Variants in CELF4 observed in about 807,000 individuals in gnomAD.
CELF4 encodes the protein CUGBP Elav-like family member 4, also known as CUG-BP- and ETR-3-like factor 4.
A neutral mutation model predicts 59.9 loss-of-function variants in CELF4; 18 were observed. The ratio of observed to expected loss-of-function variants is 0.30; its 90% CI spans 0.21 to 0.45. The LOEUF (loss-of-function observed/expected upper bound fraction) is 0.45, where lower values mean the gene tolerates loss of function less well. Among genes scored for constraint, CELF4 ranks in the 20% least tolerant of loss-of-function variants. CELF4 has a pLI of 1.00. For missense variants in CELF4, 456 were observed against 689.0 expected, an observed-to-expected ratio of 0.66 and a Z score of 3.79; for synonymous variants, 261 against 267.1, an observed-to-expected ratio of 0.98 and a Z score of 0.22.
intron 2 of CELF4, among the ~76,000 whole-genome samples, chr18:37,369,740 C>G (rs1423846846): frequency 1.3e-5 from 2 of 152,226 alleles, no homozygotes; most frequent in African/African-American, 4.8e-5. Context: ...CAGTGACTCT[C>G]GTAGAATCAC....
chr18:37,477,857 G>A (rs944377922), intron 2 of CELF4, among the ~76,000 whole-genome samples: 12 of 152,182 alleles, frequency 7.9e-5, no homozygotes, highest in African/African-American at 2.9e-4. Context: ...TGACTTGGGT[G>A]ATGGCAGCCG....
At position 37,259,262 on chromosome 18, in the gene CELF4, G is replaced by A. The variant is rs1274739980; in HGVS notation, c.1252C>T (p.Pro418Ser). 7.0e-7 allele frequency: 1 copy of A among 1,425,728 alleles called. No homozygotes were observed. Among genetic ancestry groups the A allele is most frequent in the Admixed American group, 1.9e-5 (1 of 54,018 alleles). 88.3% of individuals were successfully genotyped at this position (1,425,728 alleles called of 1,614,324 possible). Residue 418 changes from proline to serine, a missense_variant and splice_region_variant, in exon 11 of 13, where the codon CCC (proline) becomes TCC (serine). Transcript: ENST00000420428. Reference protein sequence around the residue: ...PMIPQQQREGPEGCNLFIYHL... With the variant: ...PMIPQQQREGSEGCNLFIYHL... ...TAGATGAACAGGTTACAGCCCTCGG[G>A]CCCTGCGGTGAGGGGAGGGGGTGGG...
Position 37,332,077 on chromosome 18 carries a change from G to C in CELF4, c.370-10196C>G, listed in dbSNP as rs780503492. 4.6e-5 allele frequency among the ~76,000 whole-genome samples: 7 copies of C among 152,318 alleles called. No individual in the cohort carries two copies. In the South Asian group the frequency reaches 1.5e-3, roughly 32 times the overall value. ...GAGGTGCCCAAGACACCAAGCAAAC[G>C]TTTGTTCAGTTCCAGAATGACCAGC... On this transcript the variant is annotated intron_variant, in intron 2 of 12. Coordinates refer to ENST00000420428, the MANE Select transcript of CELF4 (RefSeq NM_020180.4).
chr18:37,479,867 C>A (rs924588474), intron 2 of CELF4, among the ~76,000 whole-genome samples: 3 of 152,100 alleles, frequency 2.0e-5, no homozygotes, highest in African/African-American at 7.2e-5. Flanking sequence ...GGCCCTAACG[C>A]GATATGACTG....
intron 1 of CELF4, among the ~76,000 whole-genome samples, chr18:37,491,675 T>C (rs982120662): frequency 6.6e-6 from 1 of 151,640 alleles, no homozygotes; most frequent in Non-Finnish European, 1.5e-5. Context: ...GCAGGAGAGG[T>C]GAGCACTGGG....
intron 8 of CELF4, 87 bp downstream of exon 8, chr18:37,270,681 C>T: frequency 6.7e-7 from 1 of 1,500,256 alleles, no homozygotes; most frequent in Non-Finnish European, 9.2e-7. Flanking sequence ...AGGGCAGGAG[C>T]CACATCTTGT....
intron 2 of CELF4, among the ~76,000 whole-genome samples, chr18:37,390,201 C>T (rs534702149): frequency 2.0e-5 from 3 of 152,180 alleles, no homozygotes; most frequent in Non-Finnish European, 4.4e-5. Context: ...GAGCCTGCAG[C>T]GTGGGTTATG....
intron 1 of CELF4, among the ~76,000 whole-genome samples, chr18:37,498,329 C>T: frequency 7.5e-6 from 1 of 132,514 alleles, no homozygotes; most frequent in Non-Finnish European, 1.6e-5. Flanking sequence ...CCCTCTCCTT[C>T]CCTCTTCTTC....
intron 1 of CELF4, among the ~76,000 whole-genome samples, chr18:37,530,941 G>A (rs1394033902): frequency 2.6e-5 from 4 of 151,984 alleles, no homozygotes; most frequent in African/African-American, 7.2e-5. Context: ...GGTCCAGGTC[G>A]TGGAACCCTG....
intron 2 of CELF4, among the ~76,000 whole-genome samples, chr18:37,353,025 T>C (rs940102368): frequency 3.0e-4 from 45 of 151,888 alleles, no homozygotes; most frequent in African/African-American, 9.7e-4. Context: ...ATCGAGACCA[T>C]CCTGGCTAAC....
chr18:37,498,307 T>G (rs1308480056), intron 1 of CELF4, among the ~76,000 whole-genome samples: 8 of 141,874 alleles, frequency 5.6e-5, no homozygotes, highest in Non-Finnish European at 1.5e-5. Context: ...TTCCCTTCCC[T>G]CCTTTCCCCT....
rs59289891 is a variant in CELF4 at position 37,430,328 on chromosome 18, A to G, written c.369+55197T>C. ...TTTCATCTCAACACGAAGACTGATT[A>G]AATAGCAACAAAAATAAATTATGTA... On this transcript the variant is annotated intron_variant, in intron 2 of 12. Coordinates refer to ENST00000420428, the MANE Select transcript of CELF4 (RefSeq NM_020180.4). 4.6e-3 allele frequency among the ~76,000 whole-genome samples: 708 copies of G among 152,340 alleles called. 4 individuals are homozygous for G. Among genetic ancestry groups the G allele is most frequent in the African/African-American group, 0.016 (672 of 41,570 alleles).
At chr18:37,553,719 G>A (rs1264324289) in intron 1 of CELF4, among the ~76,000 whole-genome samples, 2 of 152,174 alleles carry the variant, frequency 1.3e-5, no homozygotes, top group Non-Finnish European at 2.9e-5. Context: ...GGGAAATGAC[G>A]TGGAGAGTCC....
chr18:37,372,071 G>A (rs941201067), intron 2 of CELF4, among the ~76,000 whole-genome samples: 1 of 152,210 alleles, frequency 6.6e-6, no homozygotes, highest in Non-Finnish European at 1.5e-5. Flanking sequence ...AAGACAGTGT[G>A]GAGATTCCTC....
intron 1 of CELF4, among the ~76,000 whole-genome samples, chr18:37,515,136 A>G (rs2099949191): frequency 6.6e-6 from 1 of 152,194 alleles, no homozygotes; most frequent in Non-Finnish European, 1.5e-5. Flanking sequence ...ATGAGAGCCA[A>G]TTATCTCTCT....
At chr18:37,404,446 G>A (rs2099360899) in intron 2 of CELF4, among the ~76,000 whole-genome samples, 1 of 152,252 alleles carries the variant, frequency 6.6e-6, no homozygotes, top group Non-Finnish European at 1.5e-5. Context: ...TGGTGGAGTA[G>A]GATCTGGGGC....
At chr18:37,308,232 T>A (rs769515532) in intron 3 of CELF4, among the ~76,000 whole-genome samples, 2 of 152,138 alleles carry the variant, frequency 1.3e-5, no homozygotes, top group Non-Finnish European at 2.9e-5. Flanking sequence ...CTCTCTGGTA[T>A]CGAAGACTCC....
chr18:37,377,650 G>A (rs777135383), intron 2 of CELF4, among the ~76,000 whole-genome samples: 1 of 152,222 alleles, frequency 6.6e-6, no homozygotes, highest in Non-Finnish European at 1.5e-5. Context: ...AGGAGCTTGC[G>A]ACTGGGCTTT....
intron 2 of CELF4, among the ~76,000 whole-genome samples, chr18:37,340,934 C>T (rs568332531): frequency 9.8e-5 from 15 of 152,332 alleles, no homozygotes; most frequent in African/African-American, 3.4e-4. Context: ...ATCAAGCTAA[C>T]GTCTGAGCCA....
Sources: allele counts gnomAD v4.1 joint callset (sites outside exome capture counted in the v4.1 genomes callset), GRCh38; gene constraint gnomAD v4.1.1; transcripts MANE v1.5; gene names NCBI Gene and HGNC (gene_info 2026-07-23, HGNC 2026-07-21).